The following BLOC1S6 variants were observed in gnomAD, a reference collection of about 807,000 sequenced individuals.
BLOC1S6 encodes biogenesis of lysosome-related organelles complex 1 subunit 6.
Under a neutral mutation model 24.7 loss-of-function variants are expected in BLOC1S6, and 24 were observed. The observed-to-expected ratio is 0.97, with a 90% CI of 0.70 to 1.37. The LOEUF (loss-of-function observed/expected upper bound fraction) is 1.37. BLOC1S6 is among the 40% of genes most tolerant of loss of function. BLOC1S6 has a pLI of 0.00. For synonymous variants in BLOC1S6, 76 were observed against 72.6 expected (o/e 1.05, Z -0.23); for missense variants, 175 against 196.2 (o/e 0.89, Z 0.64).
At position 45,609,535 on chromosome 15, in the gene BLOC1S6, T is replaced by TA. The variant is rs1595562622; in HGVS notation, c.*3023dup. ...AGTTCATTTTGTATTTACTTTGCAG[T>TA]AAGTATCATGTAAATATGCAAATGT... is the stretch of plus-strand genomic sequence containing the variant. On this transcript the variant is annotated 3_prime_UTR_variant, in exon 5 of 5. Coordinates refer to ENST00000220531, the MANE Select transcript of BLOC1S6 (RefSeq NM_012388.4). 1 of 152,222 alleles carries TA rather than the reference T, an allele frequency of 6.6e-6. No homozygotes were observed. The highest frequency in any genetic ancestry group is 1.9e-4 in the East Asian group (1 of 5,200). 9.4% of individuals were successfully genotyped at this position (152,222 alleles called of 1,614,324 possible). A position where few individuals can be genotyped will look rare whatever the true frequency, so the allele number is the denominator to read the frequency against.
At chr15:45,587,620 C>A (rs1466568105) in intron 1 of BLOC1S6, 95 bp downstream of exon 1, 10 of 1,261,012 alleles carry the variant, frequency 7.9e-6, no homozygotes, top group Non-Finnish European at 9.9e-6. Context: ...GGGGAGTAAG[C>A]GGTTTTTGGC....
chr15:45,587,653 C>T (rs1157325157), intron 1 of BLOC1S6, 128 bp downstream of exon 1: 3 of 967,918 alleles, frequency 3.1e-6, no homozygotes, highest in East Asian at 2.6e-5. Context: ...CGGGCCCTGC[C>T]CCGAGTGCAG....
intron 2 of BLOC1S6, among the ~76,000 whole-genome samples, chr15:45,595,877 G>A (rs1037309337): frequency 2.0e-5 from 3 of 151,432 alleles, no homozygotes; most frequent in African/African-American, 4.9e-5. Flanking sequence ...GCACGATCTC[G>A]GCTCACCACA....
intron 3 of BLOC1S6, 31 bp downstream of exon 3, chr15:45,603,218 G>T: frequency 2.1e-6 from 3 of 1,412,844 alleles, no homozygotes; most frequent in African/African-American, 1.4e-5. Context: ...GTAATTTAAT[G>T]ACATCTTGTC....
At position 45,605,434 on chromosome 15, in the gene BLOC1S6, G is replaced by A. The variant is rs1427586266; in HGVS notation, c.319G>A (p.Glu107Lys). ...SMLDINALFA[E>K]AKHYHAKLVN... Reference sequence around the variant, plus strand: ...TTTATTTTTCCATGTTAAGTTTGCTGAGGCTAAACACTATCATGCCAAGTT... The same window carrying A: ...TTTATTTTTCCATGTTAAGTTTGCTAAGGCTAAACACTATCATGCCAAGTT... Residue 107 changes from glutamate (E) to lysine (K), a missense_variant, in exon 4 of 5, where the codon GAG becomes AAG. By Grantham distance (56) the Glu-to-Lys change is moderately conservative. Coordinates refer to ENST00000220531, the MANE Select transcript of BLOC1S6 (RefSeq NM_012388.4). 41 of 1,609,506 alleles carry A rather than the reference G, an allele frequency of 2.5e-5. No individual in the cohort carries two copies. Among genetic ancestry groups the A allele is most frequent in the Non-Finnish European group, 3.4e-5 (40 of 1,176,826 alleles).
At chr15:45,595,855 T>G (rs932600415) in intron 2 of BLOC1S6, among the ~76,000 whole-genome samples, 10 of 152,352 alleles carry the variant, frequency 6.6e-5, no homozygotes, top group African/African-American at 1.9e-4. Context: ...TTGCCCAGGC[T>G]GTAGTGCAAT....
chr15:45,596,785 T>G (rs1390391342), intron 2 of BLOC1S6, among the ~76,000 whole-genome samples: 2 of 152,036 alleles, frequency 1.3e-5, no homozygotes, highest in Non-Finnish European at 2.9e-5. Flanking sequence ...TTCGTGATTC[T>G]TGCACCTCAG....
chr15:45,606,345 C>T (rs747925196), intron 4 of BLOC1S6, 50 bp from the exon 5 acceptor site: 11 of 1,608,712 alleles, frequency 6.8e-6, no homozygotes, highest in Middle Eastern at 1.7e-4. Flanking sequence ...TAGGCTAAAC[C>T]TGTAACCCCT....
At position 45,590,173 on chromosome 15, in the gene BLOC1S6, T is replaced by C. The variant is rs997321112; in HGVS notation, c.83-1962T>C. Among the ~76,000 whole-genome samples the C allele has an allele frequency of 3.3e-5, 5 of 150,110 alleles. 1 individual carries two copies. The South Asian group carries it at 8.5e-4, about 25-fold the overall frequency. ...ATTAATATCCCTAAGTGCTTCACTT[T>C]TCTCTCTCTCTCTCTCTCTCTATAT... On this transcript the variant is annotated intron_variant, in intron 1 of 4. Transcript: ENST00000220531.
intron 3 of BLOC1S6, 52 bp downstream of exon 3, chr15:45,603,239 C>A: frequency 1.7e-6 from 2 of 1,211,600 alleles, no homozygotes; most frequent in Non-Finnish European, 2.3e-6. Context: ...TTAGCAATAG[C>A]TAAGACTTAG....
At chr15:45,603,512 C>T (rs1177400363) in intron 3 of BLOC1S6, among the ~76,000 whole-genome samples, 1 of 152,142 alleles carries the variant, frequency 6.6e-6, no homozygotes, top group Non-Finnish European at 1.5e-5. Flanking sequence ...CAGTTCAAGA[C>T]CAGCCTGGGC....
At chr15:45,599,406 C>A (rs1449720413) in intron 2 of BLOC1S6, 70 of 99,686 alleles carry the variant, frequency 7.0e-4, no homozygotes, top group Middle Eastern at 4.8e-3. Context: ...CAACCTACAA[C>A]ATGGGAGAAA....
At chr15:45,588,752 C>A (rs1166890744) in intron 1 of BLOC1S6, among the ~76,000 whole-genome samples, 1 of 152,216 alleles carries the variant, frequency 6.6e-6, no homozygotes, top group African/African-American at 2.4e-5. Context: ...CCTTACTGGC[C>A]TTCCGGTCTT....
intron 3 of BLOC1S6, 140 bp downstream of exon 3, chr15:45,603,327 ATTG>A (rs1894335324): frequency 1.0e-5 from 6 of 600,628 alleles, no homozygotes; most frequent in East Asian, 3.0e-5. Flanking sequence ...GTTGTGTTGA[ATTG>A]TTATCTTTCA....
chr15:45,599,408 T>G (rs1266900230), intron 2 of BLOC1S6: 1 of 114,134 alleles, frequency 8.8e-6, no homozygotes, highest in South Asian at 2.8e-4. Flanking sequence ...ACCTACAACA[T>G]GGGAGAAAAT....
chr15:45,601,867 G>GTTATTTATTTAT lies in BLOC1S6; in HGVS notation c.225-1220_225-1209dup, dbSNP rs138580678. 4.0e-5 allele frequency among the ~76,000 whole-genome samples: 6 copies of GTTATTTATTTAT among 151,454 alleles called. No individual in the cohort carries two copies. The East Asian group carries it at 5.8e-4, about 15-fold the overall frequency. On this transcript the variant is annotated intron_variant, in intron 2 of 4. Transcript: ENST00000220531. ...CTCTAGTCCAAGCTGGAGGGACAAA[G>GTTATTTATTTAT]TTATTTATTTATTTATTTATTTATA... is the stretch of plus-strand genomic sequence containing the variant.
intron 1 of BLOC1S6, 154 bp from the exon 2 acceptor site, chr15:45,591,981 T>G (rs1277451012): frequency 8.4e-6 from 7 of 837,054 alleles, no homozygotes; most frequent in Non-Finnish European, 1.3e-5. Flanking sequence ...TTTGAAAGGT[T>G]CCGGCTGGTC....
At chr15:45,600,210 T>C (rs971162033) in intron 2 of BLOC1S6, among the ~76,000 whole-genome samples, 12 of 143,052 alleles carry the variant, frequency 8.4e-5, no homozygotes, top group African/African-American at 1.3e-4. Flanking sequence ...AGGGATAGCA[T>C]TGGGAGATAT....
At chr15:45,589,562 C>T (rs911570385) in intron 1 of BLOC1S6, among the ~76,000 whole-genome samples, 10 of 152,310 alleles carry the variant, frequency 6.6e-5, no homozygotes, top group Admixed American at 6.5e-4. Flanking sequence ...ATAACATTTT[C>T]TGTTTCTCAT....
Sources: gnomAD v4.1 joint callset for allele counts (sites outside exome capture counted in the v4.1 genomes callset) on GRCh38, gnomAD v4.1.1 for gene constraint, MANE v1.5 for transcripts, NCBI Gene and HGNC (gene_info 2026-07-23, HGNC 2026-07-21) for gene names.